The following PAK5 variants were observed in gnomAD, a reference collection of about 807,000 sequenced individuals.
The protein encoded by PAK5 is p21 (RAC1) activated kinase 5.
Under a neutral mutation model 65.9 loss-of-function variants are expected in PAK5, and 16 were observed. That is an observed-to-expected ratio of 0.24 (90% CI 0.16 to 0.37). The LOEUF (loss-of-function observed/expected upper bound fraction) is 0.37. Among genes scored for constraint, PAK5 ranks in the 10% least tolerant of loss-of-function variants. The probability of loss-of-function intolerance (pLI) is 1.00; values close to 1 mark genes in which losing one functional copy is unlikely to be tolerated. For missense variants in PAK5, 785 were observed against 903.9 expected (o/e 0.87, Z 1.69); for synonymous variants, 371 against 354.9 (o/e 1.05, Z -0.51).
intron 2 of PAK5, among the ~76,000 whole-genome samples, chr20:9,665,694 G>A (rs898120208): frequency 1.4e-5 from 2 of 146,300 alleles, no homozygotes; most frequent in African/African-American, 5.0e-5. Flanking sequence ...GTCTCGTTAT[G>A]TTGTCCAAAA....
At chr20:9,826,047 CA>C (rs1401534283) in intron 1 of PAK5, among the ~76,000 whole-genome samples, 8 of 152,122 alleles carry the variant, frequency 5.3e-5, no homozygotes, top group African/African-American at 1.9e-4. Context: ...GTGAAGACTC[CA>C]TGACTGATCC....
At chr20:9,760,675 T>TC (rs1346957340) in intron 1 of PAK5, among the ~76,000 whole-genome samples, 14 of 145,578 alleles carry the variant, frequency 9.6e-5, no homozygotes, top group Admixed American at 3.4e-4. Flanking sequence ...TTTCTTTTCT[T>TC]TTTTTTTTTT....
chr20:9,750,084 G>T (rs531386589), intron 1 of PAK5, among the ~76,000 whole-genome samples: 1 of 151,930 alleles, frequency 6.6e-6, no homozygotes. Flanking sequence ...AATTGTTGTT[G>T]AGCCACATAG....
rs141511818 is a variant in PAK5 at position 9,689,323 on chromosome 20, G to C, written c.-12+21963C>G. On this transcript the variant is annotated intron_variant, in intron 2 of 9. Transcript: ENST00000353224. Reference sequence around the variant, plus strand: ...CCAGTCTTTGGCTTCCTTTCATTCTGTGGCCAGCCTAATTGTCTACTCAGC... The same window carrying C: ...CCAGTCTTTGGCTTCCTTTCATTCTCTGGCCAGCCTAATTGTCTACTCAGC... Among the ~76,000 whole-genome samples the C allele has an allele frequency of 1.4e-3, 210 of 152,256 alleles. 1 individual carries two copies. Among genetic ancestry groups the C allele is most frequent in the African/African-American group, 4.9e-3 (202 of 41,558 alleles).
chr20:9,675,028 AT>A (rs1208167579), intron 2 of PAK5, among the ~76,000 whole-genome samples: 2 of 152,150 alleles, frequency 1.3e-5, no homozygotes, highest in African/African-American at 4.8e-5. Flanking sequence ...CACTTACAAC[AT>A]CTGCTGCACA....
chr20:9,650,718 C>T (rs1429645850), intron 2 of PAK5, among the ~76,000 whole-genome samples: 1 of 152,038 alleles, frequency 6.6e-6, no homozygotes, highest in Non-Finnish European at 1.5e-5. Flanking sequence ...CTTCTGCTTC[C>T]CGCCAGGACT....
intron 2 of PAK5, among the ~76,000 whole-genome samples, chr20:9,646,319 T>G (rs1021471200): frequency 6.6e-6 from 1 of 152,208 alleles, no homozygotes; most frequent in African/African-American, 2.4e-5. Flanking sequence ...ATTCACAGCC[T>G]TCACTCCCTG....
At chr20:9,551,611 T>C (rs1263701866) in intron 7 of PAK5, among the ~76,000 whole-genome samples, 1 of 152,218 alleles carries the variant, frequency 6.6e-6, no homozygotes, top group African/African-American at 2.4e-5. Context: ...GTAAACTGCA[T>C]GCACTCTAAA....
intron 3 of PAK5, among the ~76,000 whole-genome samples, chr20:9,619,987 C>T (rs1299656639): frequency 1.3e-5 from 2 of 152,202 alleles, no homozygotes; most frequent in Non-Finnish European, 2.9e-5. Flanking sequence ...ATCTCAGCCA[C>T]CTTTTTTCAC....
At chr20:9,637,251 C>A (rs1157580293) in intron 3 of PAK5, among the ~76,000 whole-genome samples, 1 of 152,202 alleles carries the variant, frequency 6.6e-6, no homozygotes, top group African/African-American at 2.4e-5. Context: ...CTCAAGCACT[C>A]TTGCTTTGGC....
intron 2 of PAK5, among the ~76,000 whole-genome samples, chr20:9,677,045 A>ATGTGTG (rs4053117): frequency 2.6e-4 from 37 of 141,228 alleles, no homozygotes; most frequent in African/African-American, 9.4e-4. Context: ...GGGTATGTGC[A>ATGTGTG]TGTGTGTGTG....
At chr20:9,608,094 T>C (rs1164468546) in intron 3 of PAK5, among the ~76,000 whole-genome samples, 1 of 152,180 alleles carries the variant, frequency 6.6e-6, no homozygotes, top group Non-Finnish European at 1.5e-5. Flanking sequence ...GGGGTCTCTT[T>C]GACAGGGACT....
At chr20:9,732,445 A>T (rs2048344159) in intron 1 of PAK5, among the ~76,000 whole-genome samples, 1 of 152,216 alleles carries the variant, frequency 6.6e-6, no homozygotes, top group Non-Finnish European at 1.5e-5. Flanking sequence ...AAATGCATAA[A>T]AACACAAAGT....
chr20:9,789,537 A>C (rs1404777657), intron 1 of PAK5, among the ~76,000 whole-genome samples: 1 of 152,170 alleles, frequency 6.6e-6, no homozygotes, highest in Non-Finnish European at 1.5e-5. Context: ...TACAGTGTTT[A>C]CTTTTTCCAT....
intron 1 of PAK5, among the ~76,000 whole-genome samples, chr20:9,826,921 C>T (rs925658446): frequency 6.6e-6 from 1 of 152,178 alleles, no homozygotes; most frequent in African/African-American, 2.4e-5. Context: ...CAATGTTTTT[C>T]AAGAAGCTCA....
chr20:9,768,790 C>CAAA (rs35432047), intron 1 of PAK5, among the ~76,000 whole-genome samples: 14 of 34,852 alleles, frequency 4.0e-4, no homozygotes, highest in African/African-American at 4.7e-4. Flanking sequence ...GACTCCATCG[C>CAAA]AAAAAAAAAA....
chr20:9,820,705 T>C (rs1430540459), intron 1 of PAK5, among the ~76,000 whole-genome samples: 1 of 152,194 alleles, frequency 6.6e-6, no homozygotes, highest in Non-Finnish European at 1.5e-5. Context: ...AGGGGACCCA[T>C]TTTACAAAGT....
intron 5 of PAK5, among the ~76,000 whole-genome samples, chr20:9,565,618 T>C (rs2045662309): frequency 6.6e-6 from 1 of 152,156 alleles, no homozygotes; most frequent in Non-Finnish European, 1.5e-5. Flanking sequence ...CTTGTAAAAA[T>C]GGTGATAACA....
chr20:9,558,417 A>T (rs1416159764), intron 6 of PAK5, among the ~76,000 whole-genome samples: 3 of 152,142 alleles, frequency 2.0e-5, no homozygotes, highest in Non-Finnish European at 4.4e-5. Context: ...GCGGGGCTCC[A>T]TGAACTCTTA....
Sources: gnomAD v4.1 joint callset for allele counts (sites outside exome capture counted in the v4.1 genomes callset) on GRCh38, gnomAD v4.1.1 for gene constraint, MANE v1.5 for transcripts, NCBI Gene and HGNC (gene_info 2026-07-23, HGNC 2026-07-21) for gene names.